The following PARD3B variants were observed in gnomAD, a reference collection of about 807,000 sequenced individuals.
PARD3B encodes partitioning defective 3 homolog B.
A neutral mutation model predicts 130.2 loss-of-function variants in PARD3B; 103 were observed. The observed-to-expected ratio is 0.79, with a 90% CI of 0.67 to 0.93. The LOEUF (loss-of-function observed/expected upper bound fraction) is 0.93, where lower values mean the gene tolerates loss of function less well. Ranked by LOEUF, PARD3B falls within the 40% of genes least tolerant of loss-of-function variation. The pLI is 0.00. For synonymous variants in PARD3B, 583 were observed against 553.2 expected, an observed-to-expected ratio of 1.05 and a Z score of -0.76; for missense variants, 1,609 against 1,499.2, an observed-to-expected ratio of 1.07 and a Z score of -1.21.
intron 4 of PARD3B, among the ~76,000 whole-genome samples, chr2:205,050,865 C>T (rs1309322736): frequency 2.0e-5 from 3 of 152,058 alleles, no homozygotes. Flanking sequence ...TTGAGCCTCA[C>T]ATCATCTCTT....
intron 18 of PARD3B, among the ~76,000 whole-genome samples, chr2:205,392,942 G>A (rs968642535): frequency 2.0e-5 from 3 of 152,152 alleles, no homozygotes; most frequent in Admixed American, 2.0e-4. Flanking sequence ...AGTGAGTAAT[G>A]TCCTTAGGGA....
chr2:205,286,589 T>C (rs1269195307), intron 16 of PARD3B, among the ~76,000 whole-genome samples: 2 of 152,196 alleles, frequency 1.3e-5, no homozygotes, highest in Admixed American at 6.5e-5. Flanking sequence ...TCACAGTTTG[T>C]CTGGAAATTT....
At chr2:205,423,697 A>G (rs1454166837) in intron 19 of PARD3B, among the ~76,000 whole-genome samples, 1 of 152,194 alleles carries the variant, frequency 6.6e-6, no homozygotes, top group Non-Finnish European at 1.5e-5. Context: ...ATAAATGCCC[A>G]TCAGTGGTAG....
At chr2:205,135,665 C>A (rs543220692) in intron 10 of PARD3B, among the ~76,000 whole-genome samples, 1 of 151,660 alleles carries the variant, frequency 6.6e-6, no homozygotes, top group Admixed American at 6.6e-5. Flanking sequence ...GCCCTGTCCC[C>A]AAAGATTCTC....
Position 205,399,500 on chromosome 2 carries a change from A to G in PARD3B, c.2631-1513A>G, listed in dbSNP as rs558401759. ...CTTCTGAGTAACTGGGACTACAGGC[A>G]TGCACCACGACGCCCGGCTAATTTT... On this transcript the variant is annotated intron_variant, in intron 18 of 22. Transcript: ENST00000406610. Among the ~76,000 whole-genome samples, 93 of 151,138 alleles carry G rather than the reference A, an allele frequency of 6.2e-4. 1 individual carries two copies. The highest frequency in any genetic ancestry group is 8.5e-4 in the South Asian group (4 of 4,698).
chr2:204,843,961 A>G (rs1421584629), intron 2 of PARD3B, among the ~76,000 whole-genome samples: 1 of 152,124 alleles, frequency 6.6e-6, no homozygotes, highest in East Asian at 1.9e-4. Flanking sequence ...TTTATTTAAT[A>G]TTGACTTTGC....
rs554410566 is a variant in PARD3B, at chr2:205,321,286, T to C, written c.2630+19585T>C. On this transcript the variant is annotated intron_variant, in intron 18 of 22. Transcript: ENST00000406610. The surrounding 1 kb of genome is among the most constrained non-coding windows in gnomAD (Gnocchi z 4.2). ...TCTTTGATTCATTTTCTTATTTATG[T>C]CTTTTTAACCTCAAAACTTAGATTT... 2.0e-3 allele frequency among the ~76,000 whole-genome samples: 306 copies of C among 152,342 alleles called. No individual in the cohort carries two copies. The highest frequency in any genetic ancestry group is 7.2e-3 in the African/African-American group (300 of 41,582).
intron 2 of PARD3B, among the ~76,000 whole-genome samples, chr2:204,849,349 A>G (rs2044609682): frequency 6.6e-6 from 1 of 152,202 alleles, no homozygotes; most frequent in South Asian, 2.1e-4. Context: ...CTTTTGGTAA[A>G]TATGTTTGTA....
At chr2:205,278,310 G>A (rs901203864) in intron 16 of PARD3B, among the ~76,000 whole-genome samples, 1 of 152,156 alleles carries the variant, frequency 6.6e-6, no homozygotes, top group African/African-American at 2.4e-5. Context: ...GAGAGTACTT[G>A]CAGGGTTTTT....
chr2:204,927,820 G>A (rs1302138665), intron 2 of PARD3B, among the ~76,000 whole-genome samples: 3 of 148,386 alleles, frequency 2.0e-5, no homozygotes, highest in Admixed American at 6.7e-5. Context: ...AGATAGCTAC[G>A]TAGGTAGGTA....
chr2:205,136,863 T>C (rs756933421), intron 10 of PARD3B, among the ~76,000 whole-genome samples: 1 of 152,206 alleles, frequency 6.6e-6, no homozygotes, highest in Non-Finnish European at 1.5e-5. Flanking sequence ...TGGGTCCACA[T>C]TGGAGATGAC....
rs1298767651 is a variant in PARD3B at position 204,669,668 on chromosome 2, G to C, written c.121-16513G>C. Among the ~76,000 whole-genome samples the C allele has an allele frequency of 6.6e-6, 1 of 152,052 alleles. No homozygotes were observed. The highest frequency in any genetic ancestry group is 1.5e-5 in the Non-Finnish European group (1 of 68,018). ...ACTGTCTATTGGTTTTCAACTTTTG[G>C]AATCAAATTATAGAGAAAGTATGGT... On this transcript the variant is annotated intron_variant, in intron 1 of 22. Transcript: ENST00000406610. This position sits in a 1 kb window ranked among gnomAD's most constrained non-coding sequence, Gnocchi z 4.3.
chr2:205,200,807 G>T (rs891073675), intron 15 of PARD3B, among the ~76,000 whole-genome samples: 1 of 152,204 alleles, frequency 6.6e-6, no homozygotes, highest in Non-Finnish European at 1.5e-5. Context: ...GGACGTGAAG[G>T]TATTTTAGAT....
rs1242193635 is a variant in PARD3B, at chr2:205,054,424, ATATATATATATATTTTTT to A, written c.504+6736_504+6753del. Among the ~76,000 whole-genome samples, 187 of 21,450 alleles carry A rather than the reference ATATATATATATATTTTTT, an allele frequency of 8.7e-3. 4 individuals are homozygous for A. The highest frequency in any genetic ancestry group is 0.027 in the African/African-American group (175 of 6,394). The allele number at this position is 21,450 out of a possible 152,430, so 14.1% of individuals were successfully genotyped here. On this transcript the variant is annotated intron_variant, in intron 4 of 22. Coordinates refer to ENST00000406610, the MANE Select transcript of PARD3B (RefSeq NM_001302769.2). ...GTCTTTTATATATATATATATATAT[ATATATATATATATTTTTT>A]TTTTTTTTTTTTTTTAATTATACTC...
chr2:204,605,905 T>C (rs1170411162), intron 1 of PARD3B, among the ~76,000 whole-genome samples: 1 of 152,158 alleles, frequency 6.6e-6, no homozygotes, highest in Non-Finnish European at 1.5e-5. Flanking sequence ...TCATTTCCTA[T>C]GGCTATTCTT....
intron 15 of PARD3B, among the ~76,000 whole-genome samples, chr2:205,226,437 A>G (rs2038555102): frequency 6.6e-6 from 1 of 152,170 alleles, no homozygotes; most frequent in African/African-American, 2.4e-5. Context: ...TGCCGAGTCT[A>G]ATGTCCTGGA....
chr2:204,847,852 A>AT (rs1218211732), intron 2 of PARD3B, among the ~76,000 whole-genome samples: 1 of 152,218 alleles, frequency 6.6e-6, no homozygotes. Context: ...AAAACATCGT[A>AT]TGCTGAGGTT....
chr2:204,640,521 A>G (rs1355607215), intron 1 of PARD3B, among the ~76,000 whole-genome samples: 1 of 152,172 alleles, frequency 6.6e-6, no homozygotes, highest in Non-Finnish European at 1.5e-5. Flanking sequence ...GCATTCTGGT[A>G]ACTGTTCCCT....
chr2:205,599,812 T>C (rs1483098487), intron 22 of PARD3B, among the ~76,000 whole-genome samples: 1 of 152,218 alleles, frequency 6.6e-6, no homozygotes, highest in African/African-American at 2.4e-5. Context: ...AAGCTTTCTC[T>C]CTTGCACATG....
Sources: allele counts gnomAD v4.1 joint callset (sites outside exome capture counted in the v4.1 genomes callset), GRCh38; gene constraint gnomAD v4.1.1; non-coding constraint Gnocchi (gnomAD v3.1); transcripts MANE v1.5; gene names NCBI Gene and HGNC (gene_info 2026-07-23, HGNC 2026-07-21).